COL16A1: variants seen among roughly 807,000 people sequenced by gnomAD.
The protein encoded by COL16A1 is collagen alpha-1(XVI) chain.
Under a neutral mutation model 266.3 loss-of-function variants are expected in COL16A1, and 189 were observed. The observed-to-expected ratio is 0.71, with a 90% CI of 0.63 to 0.80. COL16A1 has a LOEUF of 0.80. Among genes scored for constraint, COL16A1 ranks in the 30% least tolerant of loss-of-function variants. The pLI is 0.00. For synonymous variants in COL16A1, 740 were observed against 782.3 expected (o/e 0.95, Z 0.90); for missense variants, 1,928 against 2,122.4 (o/e 0.91, Z 1.80).
At chr1:31,682,614 C>A (rs1416980584) in intron 37 of COL16A1, among the ~76,000 whole-genome samples, 1 of 152,178 alleles carries the variant, frequency 6.6e-6, no homozygotes, top group African/African-American at 2.4e-5. Flanking sequence ...TGCCTCCTCA[C>A]CCTCTGGCCT....
chr1:31,688,801 G>T lies in COL16A1; in HGVS notation c.1767+60C>A. 1.3e-6 allele frequency: 2 copies of T among 1,519,506 alleles called. No homozygotes were observed. Among genetic ancestry groups the T allele is most frequent in the East Asian group, 2.4e-5 (1 of 41,950 alleles). 94.1% of individuals were successfully genotyped at this position (1,519,506 alleles called of 1,614,324 possible). A position where few individuals can be genotyped will look rare whatever the true frequency, so the allele number is the denominator to read the frequency against. ...GACTTGGGATCTGAAAAGCCAGGGA[G>T]ATCAACAGTATGGCAAGGATGGCTG... is the stretch of plus-strand genomic sequence containing the variant. On this transcript the variant is annotated intron_variant, in intron 25 of 70. Coordinates refer to ENST00000373672, the MANE Select transcript of COL16A1 (RefSeq NM_001856.4). The surrounding 1 kb of genome is among the most constrained non-coding windows in gnomAD (Gnocchi z 4.9).
At chr1:31,665,389 G>A in intron 55 of COL16A1, 155 bp from the exon 56 acceptor site, 2 of 1,404,418 alleles carry the variant, frequency 1.4e-6, no homozygotes, top group Non-Finnish European at 9.6e-7. Flanking sequence ...CTGGCCTGCT[G>A]GGCTGGGGCC....
intron 37 of COL16A1, among the ~76,000 whole-genome samples, 173 bp downstream of exon 37, chr1:31,682,761 T>G (rs1161601580): frequency 6.6e-6 from 1 of 152,218 alleles, no homozygotes; most frequent in Non-Finnish European, 1.5e-5. Context: ...ATTGTATTAT[T>G]CAAGCATTCC....
intron 2 of COL16A1, among the ~76,000 whole-genome samples, chr1:31,700,675 G>A (rs753427183): frequency 6.6e-6 from 1 of 152,186 alleles, no homozygotes; most frequent in Non-Finnish European, 1.5e-5. Flanking sequence ...GCTGGCACAC[G>A]TGTTCTCAGC....
chr1:31,666,843 A>G (rs940858890), intron 52 of COL16A1, among the ~76,000 whole-genome samples: 2 of 151,820 alleles, frequency 1.3e-5, no homozygotes, highest in African/African-American at 4.8e-5. Flanking sequence ...CATTTCCTCC[A>G]TGAGTCCCAG....
In COL16A1 at chr1:31,685,600, A is replaced by T; in HGVS notation, c.2016+39T>A. 2 of 1,541,012 alleles carry T rather than the reference A, an allele frequency of 1.3e-6. No individual in the cohort carries two copies. Among genetic ancestry groups the T allele is most frequent in the Non-Finnish European group, 1.8e-6 (2 of 1,135,970 alleles). On this transcript the variant is annotated intron_variant, in intron 29 of 70. Coordinates refer to ENST00000373672, the MANE Select transcript of COL16A1 (RefSeq NM_001856.4). The surrounding 1 kb of genome is among the most constrained non-coding windows in gnomAD (Gnocchi z 4.0). ...CTCCCCTCTCCTTAGCCCCGCCTGC[A>T]TCCCCCGTCCAGAGGCCCCTGCCTA...
At chr1:31,692,129 C>T in intron 16 of COL16A1, 62 bp from the exon 17 acceptor site, 1 of 1,610,348 alleles carries the variant, frequency 6.2e-7, no homozygotes, top group Non-Finnish European at 8.5e-7. Context: ...CTGGGCAGCT[C>T]CATCTGGTGG....
chr1:31,697,417 T>C lies in COL16A1; in HGVS notation c.658-117A>G. On this transcript the variant is annotated intron_variant, in intron 6 of 70. Coordinates refer to ENST00000373672, the MANE Select transcript of COL16A1 (RefSeq NM_001856.4). This position sits in a 1 kb window ranked among gnomAD's most constrained non-coding sequence, Gnocchi z 4.2. Reference sequence around the variant, plus strand: ...GGATGTGACCTCAGGGTGTTTCCAGTCTGGCCTGGGAGACATCAAAAATAG... The same window carrying C: ...GGATGTGACCTCAGGGTGTTTCCAGCCTGGCCTGGGAGACATCAAAAATAG... 9.4e-7 allele frequency: 1 copy of C among 1,058,560 alleles called. No individual in the cohort carries two copies. Among genetic ancestry groups the C allele is most frequent in the South Asian group, 1.6e-5 (1 of 64,100 alleles). 65.6% of individuals were successfully genotyped at this position (1,058,560 alleles called of 1,614,324 possible).
At chr1:31,695,809 T>C in intron 9 of COL16A1, 22 bp from the exon 10 acceptor site, 1 of 1,601,080 alleles carries the variant, frequency 6.2e-7, no homozygotes, top group South Asian at 1.1e-5. Context: ...GTGGGGGGTG[T>C]GGGAATGGGC....
At chr1:31,679,152 A>G (rs1171986516) in intron 42 of COL16A1, 7 of 391,556 alleles carry the variant, frequency 1.8e-5, no homozygotes, top group Non-Finnish European at 3.2e-5. Context: ...TCACTTTCTA[A>G]CACACTATAT....
chr1:31,701,514 C>T, intron 2 of COL16A1: 1 of 985,378 alleles, frequency 1.0e-6, no homozygotes, highest in Non-Finnish European at 1.2e-6. Flanking sequence ...GGGCACCCAG[C>T]AAGGCCAGGC....
Position 31,672,806 on chromosome 1 carries a change from G to T in COL16A1, c.2894C>A (p.Ala965Asp), listed in dbSNP as rs757411336. The change falls in exon 45 of 71, where the codon GCC (alanine) becomes GAC (aspartate). Residue 965 changes from alanine (A) to aspartate (D), a missense_variant. Transcript: ENST00000373672. Reference sequence around the variant, plus strand: ...CTTCTCCACGAGGTACCCTGGGTGGGCCCTCTGCCCCTGGACACAGTCCCC... The same window carrying T: ...CTTCTCCACGAGGTACCCTGGGTGGTCCCTCTGCCCCTGGACACAGTCCCC... ...ICGDCVQGQR[A>D]HPGYLVEKGE... The T allele has an allele frequency of 1.7e-5, 28 of 1,613,960 alleles. No individual in the cohort carries two copies. The highest frequency in any genetic ancestry group is 2.7e-5 in the African/African-American group (2 of 74,914).
At position 31,663,053 on chromosome 1, in the gene COL16A1, T is replaced by C; in HGVS notation, c.3556-395A>G. Reference sequence around the variant, plus strand: ...TCCTCCCCACCTACCTCCCTACCTTTCCCCCCATCCCAGCAGACATGGGCC... The same window carrying C: ...TCCTCCCCACCTACCTCCCTACCTTCCCCCCCATCCCAGCAGACATGGGCC... On this transcript the variant is annotated intron_variant, in intron 56 of 70. Transcript: ENST00000373672. This position sits in a 1 kb window ranked among gnomAD's most constrained non-coding sequence, Gnocchi z 4.9. 1.3e-5 allele frequency: 3 copies of C among 239,002 alleles called. No individual in the cohort carries two copies. The highest frequency in any genetic ancestry group is 2.5e-5 in the Non-Finnish European group (3 of 119,884). 14.8% of individuals were successfully genotyped at this position (239,002 alleles called of 1,614,324 possible).
Position 31,688,316 on chromosome 1 carries a change from C to T in COL16A1, c.1803+151G>A. ...GCTCTCAGAAATAAATTCTTTGACT[C>T]AAGTCTGCAAAACACTAGTAAATTA... On this transcript the variant is annotated intron_variant, in intron 26 of 70. Transcript: ENST00000373672. This position sits in a 1 kb window ranked among gnomAD's most constrained non-coding sequence, Gnocchi z 4.9. 1 of 858,718 alleles carries T rather than the reference C, an allele frequency of 1.2e-6. No homozygotes were observed. The highest frequency in any genetic ancestry group is 1.9e-6 in the Non-Finnish European group (1 of 523,394). 53.2% of individuals were successfully genotyped at this position (858,718 alleles called of 1,614,324 possible). A position where few individuals can be genotyped will look rare whatever the true frequency, so the allele number is the denominator to read the frequency against.
intron 37 of COL16A1, among the ~76,000 whole-genome samples, chr1:31,682,246 C>T (rs1643698886): frequency 6.6e-6 from 1 of 152,070 alleles, no homozygotes; most frequent in South Asian, 2.1e-4. Context: ...GCAATTTGTT[C>T]AATAGACATG....
At position 31,667,593 on chromosome 1, in the gene COL16A1, C is replaced by T. The variant is rs745980254; in HGVS notation, c.3339G>A (p.Ala1113=). The T allele has an allele frequency of 1.8e-5, 29 of 1,602,280 alleles. No individual in the cohort carries two copies. Among genetic ancestry groups the T allele is most frequent in the South Asian group, 7.9e-5 (7 of 88,760 alleles). ...IKGERGYTGS[A]GEKGEPGPPG... ...GACTCACCGGCTCTCCTTTCTCTCC[C>T]GCTGACCCGGTGTAGCCACGCTCCC... Residue 1113 remains alanine (A), a synonymous_variant, in exon 52 of 71, where the codon GCG becomes GCA. Transcript: ENST00000373672.
Position 31,657,773 on chromosome 1 carries a change from G to A in COL16A1, c.4021-705C>T, listed in dbSNP as rs566734962. On this transcript the variant is annotated intron_variant, in intron 64 of 70. Transcript: ENST00000373672. The surrounding 1 kb of genome is among the most constrained non-coding windows in gnomAD (Gnocchi z 6.4). ...AGGAGACTTTTCATCCCTGACCCTG[G>A]CAATCAGTTGCACCTGTTAGGGTTC... Among the ~76,000 whole-genome samples the A allele has an allele frequency of 7.2e-5, 11 of 152,344 alleles. No individual in the cohort carries two copies. The highest frequency in any genetic ancestry group is 2.6e-4 in the African/African-American group (11 of 41,574).
chr1:31,698,307 CAA>C lies in COL16A1; in HGVS notation c.391-137_391-136del. The C allele has an allele frequency of 6.5e-7, 1 of 1,536,284 alleles. No individual in the cohort carries two copies. The highest frequency in any genetic ancestry group is 8.7e-7 in the Non-Finnish European group (1 of 1,143,958). ...GAAAGAGAAGAAAGCCGGCTGGGGT[CAA>C]GGAGCTATACATCCTGAAAGAATGA... On this transcript the variant is annotated intron_variant, in intron 5 of 70. Transcript: ENST00000373672. This position sits in a 1 kb window ranked among gnomAD's most constrained non-coding sequence, Gnocchi z 4.1.
chr1:31,655,190 G>A, intron 67 of COL16A1, 124 bp downstream of exon 67: 1 of 1,438,192 alleles, frequency 7.0e-7, no homozygotes, highest in Non-Finnish European at 9.3e-7. Flanking sequence ...GTTAAGAGCT[G>A]CCCTCTATGG....
Sources: allele counts gnomAD v4.1 joint callset (sites outside exome capture counted in the v4.1 genomes callset), GRCh38; gene constraint gnomAD v4.1.1; non-coding constraint Gnocchi (gnomAD v3.1); transcripts MANE v1.5; gene names NCBI Gene and HGNC (gene_info 2026-07-23, HGNC 2026-07-21).